INTU: variants seen among roughly 807,000 people sequenced by gnomAD.
INTU encodes protein inturned.
INTU carries 68 observed loss-of-function variants against 100.5 expected under a neutral mutation model. The ratio of observed to expected loss-of-function variants is 0.68; its 90% CI spans 0.56 to 0.83. The LOEUF is 0.83. Ranked by LOEUF, INTU falls within the 40% of genes least tolerant of loss-of-function variation. INTU has a pLI of 0.00. For synonymous variants in INTU, 357 were observed against 395.7 expected, an observed-to-expected ratio of 0.90 and a Z score of 1.16; for missense variants, 1,071 against 1,114.7, an observed-to-expected ratio of 0.96 and a Z score of 0.56.
At position 127,687,911 on chromosome 4, in the gene INTU, A is replaced by C. The variant is rs779725063; in HGVS notation, c.1449+44A>C. The C allele has an allele frequency of 6.2e-6, 8 of 1,299,186 alleles. No homozygotes were observed. In the Admixed American group the frequency reaches 2.0e-4, roughly 32 times the overall value. 80.5% of individuals were successfully genotyped at this position (1,299,186 alleles called of 1,614,324 possible). ...AAGCAGAAGCAGAACCAGGTGCCTTATTATAATCTTGTATCTTCTCTTTTT... is the reference window on the plus strand; with the variant it reads ...AAGCAGAAGCAGAACCAGGTGCCTTCTTATAATCTTGTATCTTCTCTTTTT... On this transcript the variant is annotated intron_variant, in intron 8 of 15. Coordinates refer to ENST00000335251, the MANE Select transcript of INTU (RefSeq NM_015693.4).
intron 2 of INTU, among the ~76,000 whole-genome samples, chr4:127,650,670 G>A (rs1470103112): frequency 7.9e-5 from 12 of 151,622 alleles, no homozygotes; most frequent in East Asian, 7.8e-4. Flanking sequence ...GAATAATGCC[G>A]CAATAAACAT....
rs545001217 is a variant in INTU, at chr4:127,719,097, G to A, written c.*2661G>A. On this transcript the variant is annotated 3_prime_UTR_variant, in exon 16 of 16. Coordinates refer to ENST00000335251, the MANE Select transcript of INTU (RefSeq NM_015693.4). ...GAGTGCTTCCAGCTTTTGCCCATTC[G>A]GTATGATATTGGCTGTGAGTCTGTC... is the stretch of plus-strand genomic sequence containing the variant. The A allele has an allele frequency of 2.0e-5, 3 of 152,154 alleles. No individual in the cohort carries two copies. Among genetic ancestry groups the A allele is most frequent in the East Asian group, 1.9e-4 (1 of 5,174 alleles). The allele number at this position is 152,154 out of a possible 1,614,324, so 9.4% of individuals were successfully genotyped here. A position where few individuals can be genotyped will look rare whatever the true frequency, so the allele number is the denominator to read the frequency against.
chr4:127,655,119 T>C (rs1266342801), intron 2 of INTU, among the ~76,000 whole-genome samples: 4 of 152,138 alleles, frequency 2.6e-5, no homozygotes, highest in Admixed American at 2.6e-4. Flanking sequence ...TAGTTATACA[T>C]TCATCTAAAT....
At chr4:127,653,038 G>C (rs1327819212) in intron 2 of INTU, among the ~76,000 whole-genome samples, 16 of 151,706 alleles carry the variant, frequency 1.1e-4, no homozygotes, top group Admixed American at 1.0e-3. Context: ...TCTGATGGTA[G>C]TTTGTATTTC....
chr4:127,684,368 G>T, intron 6 of INTU, 41 bp from the exon 7 acceptor site: 2 of 1,046,652 alleles, frequency 1.9e-6, no homozygotes, highest in South Asian at 2.7e-5. Context: ...AATGTCATTT[G>T]ATTATGTTGT....
intron 13 of INTU, among the ~76,000 whole-genome samples, chr4:127,709,726 C>G (rs945652721): frequency 6.6e-6 from 1 of 151,958 alleles, no homozygotes; most frequent in African/African-American, 2.4e-5. Flanking sequence ...CACACACACA[C>G]ACACACACAC....
intron 1 of INTU, among the ~76,000 whole-genome samples, chr4:127,635,503 G>A (rs1241165145): frequency 6.6e-6 from 1 of 152,118 alleles, no homozygotes; most frequent in Non-Finnish European, 1.5e-5. Context: ...ATTTTTTGTT[G>A]TTGTTACATC....
intron 5 of INTU, among the ~76,000 whole-genome samples, chr4:127,673,723 AG>A (rs1729041754): frequency 6.6e-6 from 1 of 151,678 alleles, no homozygotes; most frequent in South Asian, 2.1e-4. Flanking sequence ...CAGCCTCCCT[AG>A]TAGCCAGGAT....
chr4:127,689,541 C>A (rs1333628534), intron 8 of INTU, among the ~76,000 whole-genome samples: 1 of 151,634 alleles, frequency 6.6e-6, no homozygotes, highest in Non-Finnish European at 1.5e-5. Flanking sequence ...TCCAGCTACT[C>A]AGTAGGCTGA....
chr4:127,676,110 G>GT (rs750287152), intron 6 of INTU: 1 of 168,936 alleles, frequency 5.9e-6, no homozygotes, highest in Non-Finnish European at 1.3e-5. Context: ...CACCATAAAT[G>GT]TGGGGTTCAA....
chr4:127,640,542 C>CATATATATATATAT (rs869116277), intron 1 of INTU, among the ~76,000 whole-genome samples: 9 of 53,636 alleles, frequency 1.7e-4, no homozygotes, highest in Non-Finnish European at 2.6e-4. Context: ...GGTAAAGATA[C>CATATATATATATAT]ATATATATAT....
intron 1 of INTU, among the ~76,000 whole-genome samples, chr4:127,640,542 CATAT>C (rs869116277): frequency 0.034 from 1,818 of 53,368 alleles, 35 homozygotes; most frequent in South Asian, 0.049. Context: ...GGTAAAGATA[CATAT>C]ATATATATAT....
rs142083313 is a variant in INTU, at chr4:127,710,979, T to C, written c.2436T>C (p.Phe812=). 81 of 1,600,062 alleles carry C rather than the reference T, an allele frequency of 5.1e-5. No individual in the cohort carries two copies. In the African/African-American group the frequency reaches 1.0e-3, roughly 20 times the overall value. The change falls in exon 14 of 16, where the codon TTT becomes TTC. Residue 812 remains phenylalanine, a synonymous_variant. Coordinates refer to ENST00000335251, the MANE Select transcript of INTU (RefSeq NM_015693.4). ...CCTTAGAAACAGTGCAAGGAATCTTTATTACTCCTACCCTTGAAGAGGTGG... is the reference window on the plus strand; with the variant it reads ...CCTTAGAAACAGTGCAAGGAATCTTCATTACTCCTACCCTTGAAGAGGTGG... The part of the protein sequence containing the change: ...YVALETVQGI[F]ITPTLEEVAQ...
At position 127,663,076 on chromosome 4, in the gene INTU, T is replaced by C. The variant is rs149047407; in HGVS notation, c.769-305T>C. Among the ~76,000 whole-genome samples, 442 of 152,314 alleles carry C rather than the reference T, an allele frequency of 2.9e-3. 3 individuals are homozygous for C. Among genetic ancestry groups the C allele is most frequent in the African/African-American group, 1.0e-2 (414 of 41,572 alleles). ...ACTAATTTCTGGTTTTTGATGGCCT[T>C]TCTTATTTTTATAGTCAACAATTTA... On this transcript the variant is annotated intron_variant, in intron 3 of 15. Transcript: ENST00000335251.
chr4:127,711,233 C>A, intron 14 of INTU, 131 bp downstream of exon 14: 1 of 608,590 alleles, frequency 1.6e-6, no homozygotes, highest in Non-Finnish European at 2.6e-6. Flanking sequence ...CTTAATCTAA[C>A]GTGGGTGCCA....
chr4:127,661,670 C>T (rs1728483129), intron 3 of INTU, among the ~76,000 whole-genome samples: 1 of 152,166 alleles, frequency 6.6e-6, no homozygotes. Flanking sequence ...ATCTATCTGT[C>T]ACAAAGTCTA....
intron 6 of INTU, among the ~76,000 whole-genome samples, chr4:127,681,190 T>C (rs1038295469): frequency 4.7e-4 from 72 of 152,292 alleles, no homozygotes; most frequent in Admixed American, 2.8e-3. Flanking sequence ...AGGTAATTTA[T>C]AGATTCAATG....
intron 2 of INTU, among the ~76,000 whole-genome samples, chr4:127,652,293 G>C (rs1342094784): frequency 6.7e-6 from 1 of 149,360 alleles, no homozygotes; most frequent in African/African-American, 2.5e-5. Flanking sequence ...TCCCTGTCTT[G>C]TGCCAGTTTT....
At position 127,718,406 on chromosome 4, in the gene INTU, T is replaced by C. The variant is rs754158082; in HGVS notation, c.*1970T>C. 2 of 152,156 alleles carry C rather than the reference T, an allele frequency of 1.3e-5. No homozygotes were observed. Among genetic ancestry groups the C allele is most frequent in the Non-Finnish European group, 1.5e-5 (1 of 68,024 alleles). The allele number at this position is 152,156 out of a possible 1,614,324, so 9.4% of individuals were successfully genotyped here. On this transcript the variant is annotated 3_prime_UTR_variant, in exon 16 of 16. Transcript: ENST00000335251. Reference sequence around the variant, plus strand: ...TGTACCCTTACAGTACAGTTTGAAGTTTGGTAGTGTGATGCCTCCAGCTTT... The same window carrying C: ...TGTACCCTTACAGTACAGTTTGAAGCTTGGTAGTGTGATGCCTCCAGCTTT...
Sources: allele counts gnomAD v4.1 joint callset (sites outside exome capture counted in the v4.1 genomes callset), GRCh38; gene constraint gnomAD v4.1.1; transcripts MANE v1.5; gene names NCBI Gene and HGNC (gene_info 2026-07-23, HGNC 2026-07-21).